Variants in FANCD2 observed in about 807,000 individuals in gnomAD.
The protein encoded by FANCD2 is Fanconi anemia group D2 protein.
FANCD2 carries 131 observed loss-of-function variants against 192.3 expected under a neutral mutation model. The ratio of observed to expected loss-of-function variants is 0.68; its 90% CI spans 0.59 to 0.79. The LOEUF is 0.79. Ranked by LOEUF, FANCD2 falls within the 30% of genes least tolerant of loss-of-function variation. FANCD2 has a pLI of 0.00. For missense variants in FANCD2, 1,508 were observed against 1,701.6 expected (o/e 0.89, Z 2.00); for synonymous variants, 524 against 612.5 (o/e 0.86, Z 2.13).
intron 2 of FANCD2, among the ~76,000 whole-genome samples, chr3:10,031,368 T>C: frequency 6.6e-6 from 1 of 151,992 alleles, no homozygotes; most frequent in South Asian, 2.1e-4. Context: ...CCGGGCGTGG[T>C]GGTGTGCACC....
chr3:10,036,082 A>ATTTTTTTTTTTTTTTTTTTTTTTTT (rs781686867), intron 6 of FANCD2, among the ~76,000 whole-genome samples: 2 of 103,868 alleles, frequency 1.9e-5, no homozygotes, highest in Non-Finnish European at 3.9e-5. Context: ...AGAATTATAC[A>ATTTTTTTTTTTTTTTTTTTTTTTTT]TTTCTTTTTT....
intron 7 of FANCD2, among the ~76,000 whole-genome samples, chr3:10,038,353 G>C (rs1157801985): frequency 6.6e-6 from 1 of 152,066 alleles, no homozygotes; most frequent in East Asian, 1.9e-4. Context: ...TTACATCCTG[G>C]CTAGTCTTTT....
chr3:10,062,675 T>G (rs1457546722), intron 20 of FANCD2, among the ~76,000 whole-genome samples: 8 of 152,220 alleles, frequency 5.3e-5, no homozygotes, highest in East Asian at 3.8e-4. Flanking sequence ...TTTCTGACAC[T>G]TGGAAACTAC....
chr3:10,081,048 T>C, intron 30 of FANCD2, 52 bp from the exon 31 acceptor site: 1 of 1,611,754 alleles, frequency 6.2e-7, no homozygotes, highest in Non-Finnish European at 8.5e-7. Flanking sequence ...ACCCTTAGTT[T>C]CTGAGACGCT....
chr3:10,051,379 T>TC (rs2087202498), intron 17 of FANCD2, among the ~76,000 whole-genome samples: 2 of 42,942 alleles, frequency 4.7e-5, no homozygotes, highest in Admixed American at 4.6e-4. Context: ...AGACTCCGTC[T>TC]CAAAAAAAAA....
chr3:10,029,264 C>A (rs2086532067), intron 2 of FANCD2, among the ~76,000 whole-genome samples: 1 of 152,080 alleles, frequency 6.6e-6, no homozygotes, highest in Non-Finnish European at 1.5e-5. Context: ...CTTTGAGGGG[C>A]TAAGGTGAGA....
chr3:10,080,540 A>T (rs1034565357), intron 30 of FANCD2, among the ~76,000 whole-genome samples: 6 of 152,184 alleles, frequency 3.9e-5, no homozygotes, highest in Admixed American at 3.9e-4. Flanking sequence ...GGAGTCCAAG[A>T]TGGGTGGATT....
chr3:10,100,080 C>G (rs955730654), intron 43 of FANCD2, among the ~76,000 whole-genome samples: 3 of 151,718 alleles, frequency 2.0e-5, no homozygotes, highest in African/African-American at 7.3e-5. Context: ...CCCTGCTACA[C>G]AGGAGGCTGA....
intron 18 of FANCD2, among the ~76,000 whole-genome samples, chr3:10,056,231 A>G (rs887783907): frequency 6.6e-6 from 1 of 152,148 alleles, no homozygotes; most frequent in Non-Finnish European, 1.5e-5. Context: ...ATTGATGGAC[A>G]CTTGGGTTGT....
rs376000069 is a variant in FANCD2 at position 10,050,937 on chromosome 3, T to G, written c.1545+1432T>G. 7.3e-5 allele frequency among the ~76,000 whole-genome samples: 11 copies of G among 150,680 alleles called. 1 individual carries two copies. The East Asian group carries it at 1.0e-3, about 14-fold the overall frequency. On this transcript the variant is annotated intron_variant, in intron 17 of 43. Coordinates refer to ENST00000675286, the MANE Select transcript of FANCD2 (RefSeq NM_001018115.3). ...CCCTCCTCTACTAAAAATACAAAAA[T>G]TACCTGGGCATTGTGGTGCATGCCT...
In FANCD2 at chr3:10,052,470, A is replaced by G. The variant is rs1291680516; in HGVS notation, c.1629A>G (p.Lys543=). The G allele has an allele frequency of 3.1e-6, 5 of 1,612,186 alleles. No homozygotes were observed. The highest frequency in any genetic ancestry group is 1.7e-5 in the Admixed American group (1 of 59,980). ...TTCTCAGCACACTGGCATTTAGCAA[A>G]CAGAATGAAGCCAGCAGCCACATCC... ...FYVLSTLAFS[K]QNEASSHIQD... is the part of the protein sequence containing the mutation. The change falls in exon 18 of 44, where the codon AAA becomes AAG. Residue 543 remains lysine (K), a synonymous_variant. Transcript: ENST00000675286.
chr3:10,063,361 C>T (rs1297573805), intron 20 of FANCD2, among the ~76,000 whole-genome samples: 1 of 150,996 alleles, frequency 6.6e-6, no homozygotes, highest in East Asian at 2.0e-4. Flanking sequence ...TGCTTGAATC[C>T]GGGAAGTGGA....
At chr3:10,050,066 CAA>C (rs1221261877) in intron 17 of FANCD2, among the ~76,000 whole-genome samples, 7 of 152,150 alleles carry the variant, frequency 4.6e-5, no homozygotes, top group Non-Finnish European at 8.8e-5. Flanking sequence ...GCCCATGTTG[CAA>C]AGAGTCTCAA....
At chr3:10,043,408 A>G in intron 12 of FANCD2, 76 bp from the exon 13 acceptor site, 5 of 1,181,908 alleles carry the variant, frequency 4.2e-6, no homozygotes, top group South Asian at 1.2e-5. Context: ...TCCAGGGTAC[A>G]TGGCAGGAAC....
At chr3:10,082,560 C>G (rs1693909696) in intron 32 of FANCD2, among the ~76,000 whole-genome samples, 1 of 152,156 alleles carries the variant, frequency 6.6e-6, no homozygotes, top group African/African-American at 2.4e-5. Flanking sequence ...TATACTCTGC[C>G]TCCAGCCTCA....
In FANCD2 at chr3:10,043,124, A is replaced by C; in HGVS notation, c.963A>C (p.Val321=). The part of the protein sequence containing the change: ...VLPSRLQASQ[V]KLKSKGRASS... The stretch of plus-strand genomic sequence containing the variant: ...CATCACGGTTACAGGCTTCCCAAGT[A>C]AAGTTGAAAAGTAAAGGACGAGCAA... Residue 321 remains valine (V), a synonymous_variant, in exon 12 of 44, where the codon GTA becomes GTC. Transcript: ENST00000675286. 1 of 1,614,126 alleles carries C rather than the reference A, an allele frequency of 6.2e-7. No individual in the cohort carries two copies.
chr3:10,073,198 T>A (rs1693349871), intron 27 of FANCD2, 55 bp from the exon 28 acceptor site: 5 of 1,431,822 alleles, frequency 3.5e-6, no homozygotes, highest in Non-Finnish European at 4.9e-6. Context: ...GCAATGATAT[T>A]TGGCAAACAT....
At chr3:10,086,447 G>A (rs1694207919) in intron 33 of FANCD2, among the ~76,000 whole-genome samples, 1 of 152,094 alleles carries the variant, frequency 6.6e-6, no homozygotes, top group African/African-American at 2.4e-5. Flanking sequence ...CACTGGGTCA[G>A]CAGTCAGTGC....
At position 10,092,264 on chromosome 3, in the gene FANCD2, G is replaced by A; in HGVS notation, c.3849+12G>A. ...TCAACTTGATAAAGGTGAGTATGGAGACTGCTTGACACATCTCACCAAATA... is the reference window on the plus strand; with the variant it reads ...TCAACTTGATAAAGGTGAGTATGGAAACTGCTTGACACATCTCACCAAATA... On this transcript the variant is annotated intron_variant, in intron 38 of 43. Transcript: ENST00000675286. The A allele has an allele frequency of 6.3e-7, 1 of 1,594,316 alleles. No homozygotes were observed. The highest frequency in any genetic ancestry group is 8.6e-7 in the Non-Finnish European group (1 of 1,162,230).
Sources: gnomAD v4.1 joint callset for allele counts (sites outside exome capture counted in the v4.1 genomes callset) on GRCh38, gnomAD v4.1.1 for gene constraint, MANE v1.5 for transcripts, NCBI Gene and HGNC (gene_info 2026-07-23, HGNC 2026-07-21) for gene names.